The following STX7 variants were observed in gnomAD, a reference collection of about 807,000 sequenced individuals.
STX7 encodes syntaxin 7.
STX7 carries 34 observed loss-of-function variants against 39.6 expected under a neutral mutation model. The ratio of observed to expected loss-of-function variants is 0.86; its 90% confidence interval spans 0.65 to 1.14. STX7 has a LOEUF of 1.14. Among genes scored for constraint, STX7 ranks in the 50% most tolerant of loss-of-function variants. STX7 has a pLI of 0.00. For missense variants in STX7, 284 were observed against 310.4 expected, an observed-to-expected ratio of 0.92 and a Z score of 0.64; for synonymous variants, 119 against 99.1, an observed-to-expected ratio of 1.20 and a Z score of -1.19.
rs575485058 is a variant in STX7, at chr6:132,450,477, T to G, written c.*10281A>C. 1 of 151,606 alleles carries G rather than the reference T, an allele frequency of 6.6e-6. No homozygotes were observed. Among genetic ancestry groups the G allele is most frequent in the African/African-American group, 2.4e-5 (1 of 41,180 alleles). 9.4% of individuals were successfully genotyped at this position (151,606 alleles called of 1,614,324 possible). A position where few individuals can be genotyped will look rare whatever the true frequency, so the allele number is the denominator to read the frequency against. On this transcript the variant is annotated 3_prime_UTR_variant, in exon 10 of 10. Coordinates refer to ENST00000367941, the MANE Select transcript of STX7 (RefSeq NM_003569.3). ...ATCGGTTTCACCAAGTTATGTGTAC[T>G]TTATTTATTTAAAGAGACCAACTTT...
intron 8 of STX7, 130 bp from the exon 9 acceptor site, chr6:132,464,205 A>C: frequency 1.1e-6 from 1 of 897,830 alleles, no homozygotes; most frequent in African/African-American, 1.7e-5. Flanking sequence ...GTATATCATA[A>C]AGTTGAATTT....
At chr6:132,486,768 C>T (rs577304353) in intron 2 of STX7, among the ~76,000 whole-genome samples, 6 of 149,136 alleles carry the variant, frequency 4.0e-5, no homozygotes, top group African/African-American at 9.9e-5. Context: ...CCAGTTCAAG[C>T]GATTCTCCTG....
At chr6:132,490,136 A>G (rs1045120622) in intron 2 of STX7, among the ~76,000 whole-genome samples, 10 of 152,234 alleles carry the variant, frequency 6.6e-5, no homozygotes, top group Non-Finnish European at 1.2e-4. Flanking sequence ...AGAAGCAAAC[A>G]GGAAAGGACT....
Position 132,459,953 on chromosome 6 carries a change from T to C in STX7, c.*805A>G, listed in dbSNP as rs1331574484. 6.6e-6 allele frequency: 1 copy of C among 152,210 alleles called. No individual in the cohort carries two copies. The highest frequency in any genetic ancestry group is 1.9e-4 in the East Asian group (1 of 5,198). The allele number at this position is 152,210 out of a possible 1,614,324, so 9.4% of individuals were successfully genotyped here. On this transcript the variant is annotated 3_prime_UTR_variant, in exon 10 of 10. Transcript: ENST00000367941. ...AACCAGATGATATGGTTAAGATAAC[T>C]AGTTTAGTGGAATAACAAACTGGGG...
intron 3 of STX7, among the ~76,000 whole-genome samples, chr6:132,474,969 CTG>C (rs1442343761): frequency 6.6e-6 from 1 of 152,038 alleles, no homozygotes; most frequent in African/African-American, 2.4e-5. Flanking sequence ...AAATAAAACT[CTG>C]GTGACTGCGG....
chr6:132,492,953 T>C (rs889678354), intron 2 of STX7, among the ~76,000 whole-genome samples: 12 of 152,182 alleles, frequency 7.9e-5, no homozygotes, highest in African/African-American at 2.9e-4. Flanking sequence ...CAAGGCAGTG[T>C]ACTGGGTATT....
At chr6:132,467,276 C>G (rs911160095) in intron 8 of STX7, among the ~76,000 whole-genome samples, 2 of 152,150 alleles carry the variant, frequency 1.3e-5, no homozygotes, top group Admixed American at 1.3e-4. Flanking sequence ...CCTTTGTACT[C>G]GCTGTTCTCT....
In STX7 at chr6:132,460,787, T is replaced by G. The variant is rs1774374676; in HGVS notation, c.757A>C (p.Ser253Arg). The change falls in exon 10 of 10, where the codon AGT (serine) becomes CGT (arginine). Residue 253 changes from serine to arginine, a missense_variant. Transcript: ENST00000367941. ...TGGTTCAATCCCCATATGATGAGACTGATAATCGCAACTCCAATGACAAGG... is the reference window on the plus strand; with the variant it reads ...TGGTTCAATCCCCATATGATGAGACGGATAATCGCAACTCCAATGACAAGG... The part of the protein sequence containing the change: ...LILVIGVAII[S>R]LIIWGLNH The G allele has an allele frequency of 1.2e-6, 2 of 1,613,682 alleles. No homozygotes were observed. The highest frequency in any genetic ancestry group is 1.7e-6 in the Non-Finnish European group (2 of 1,179,798).
At chr6:132,481,992 AGAAGGCAAATTTCTT>A (rs1226487523) in intron 2 of STX7, among the ~76,000 whole-genome samples, 3 of 152,194 alleles carry the variant, frequency 2.0e-5, no homozygotes, top group African/African-American at 4.8e-5. Flanking sequence ...CACCCTAACT[AGAAGGCAAATTTCTT>A]GAAGGCAAGG....
intron 2 of STX7, among the ~76,000 whole-genome samples, chr6:132,502,620 C>T (rs1002969894): frequency 1.5e-5 from 2 of 131,484 alleles, no homozygotes; most frequent in Middle Eastern, 4.1e-3. Flanking sequence ...AATAATTTGG[C>T]CGGGCGCGGT....
At chr6:132,512,270 G>A (rs1762164139) in intron 1 of STX7, among the ~76,000 whole-genome samples, 1 of 149,562 alleles carries the variant, frequency 6.7e-6, no homozygotes, top group Admixed American at 6.7e-5. Flanking sequence ...ATACAGATAA[G>A]AGCCAAACAA....
rs1251514865 is a variant in STX7, at chr6:132,464,075, T to C, written c.611A>G (p.Asp204Gly). The change falls in exon 9 of 10, where the codon GAT (aspartate) becomes GGT (glycine). Residue 204 changes from aspartate to glycine, a missense_variant and splice_region_variant. Physicochemically the swap from Asp to Gly is moderately conservative, Grantham distance 94. Coordinates refer to ENST00000367941, the MANE Select transcript of STX7 (RefSeq NM_003569.3). Reference sequence around the variant, plus strand: ...ATTTTCCACATTGGCTTCTATGCTATCTGTAAAATAAAACACACACACACA... The same window carrying C: ...ATTTTCCACATTGGCTTCTATGCTACCTGTAAAATAAAACACACACACACA... The part of the protein sequence containing the change: ...MMIHEQGDVI[D>G]SIEANVENAE... 2 of 1,613,864 alleles carry C rather than the reference T, an allele frequency of 1.2e-6. No individual in the cohort carries two copies. The highest frequency in any genetic ancestry group is 1.7e-6 in the Non-Finnish European group (2 of 1,179,892).
chr6:132,461,793 T>C (rs1346835524), intron 9 of STX7: 1 of 1,506,190 alleles, frequency 6.6e-7, no homozygotes, highest in Non-Finnish European at 8.9e-7. Flanking sequence ...CCGTTCTTCA[T>C]TCCTGGTTCA....
intron 1 of STX7, among the ~76,000 whole-genome samples, chr6:132,511,805 C>T (rs1775852166): frequency 6.6e-6 from 1 of 152,146 alleles, no homozygotes; most frequent in South Asian, 2.1e-4. Flanking sequence ...TTCACTCAGA[C>T]TTACTGTGAA....
At chr6:132,486,958 C>A (rs1961714) in intron 2 of STX7, among the ~76,000 whole-genome samples, 2 of 151,780 alleles carry the variant, frequency 1.3e-5, no homozygotes, top group African/African-American at 4.9e-5. Flanking sequence ...TGAACCACTG[C>A]ACCCAGCCTA....
chr6:132,490,082 G>A (rs1775239460), intron 2 of STX7, among the ~76,000 whole-genome samples: 1 of 152,172 alleles, frequency 6.6e-6, no homozygotes, highest in Admixed American at 6.5e-5. Context: ...GAGGTAGTCT[G>A]GAATCAGAAG....
chr6:132,492,448 C>T (rs1775315388), intron 2 of STX7, among the ~76,000 whole-genome samples: 1 of 152,222 alleles, frequency 6.6e-6, no homozygotes, highest in Admixed American at 6.5e-5. Flanking sequence ...TAAAGGTTCA[C>T]TCCATAAAGG....
In STX7 at chr6:132,485,068, A is replaced by G. The variant is rs573570190; in HGVS notation, c.86-9406T>C. On this transcript the variant is annotated intron_variant, in intron 2 of 9. Transcript: ENST00000367941. ...CAAAGCGCATAAACTATAGTTTTAC[A>G]AGTTTGGACATATGTGTACATCTGT... Among the ~76,000 whole-genome samples, 3 of 152,344 alleles carry G rather than the reference A, an allele frequency of 2.0e-5. No homozygotes were observed. The East Asian group carries it at 5.8e-4, about 29-fold the overall frequency.
In STX7 at chr6:132,451,958, G is replaced by C. The variant is rs1042689714; in HGVS notation, c.*8800C>G. ...AGTATTACCCTGATACCACCAACCA[G>C]TATGTCGCATTAAAACAGATGCAAA... is the stretch of plus-strand genomic sequence containing the variant. On this transcript the variant is annotated 3_prime_UTR_variant, in exon 10 of 10. Transcript: ENST00000367941. 2 of 152,130 alleles carry C rather than the reference G, an allele frequency of 1.3e-5. No individual in the cohort carries two copies. The highest frequency in any genetic ancestry group is 6.5e-5 in the Admixed American group (1 of 15,276). The allele number at this position is 152,130 out of a possible 1,614,324, so 9.4% of individuals were successfully genotyped here.
Sources: gnomAD v4.1 joint callset for allele counts (sites outside exome capture counted in the v4.1 genomes callset) on GRCh38, gnomAD v4.1.1 for gene constraint, MANE v1.5 for transcripts, NCBI Gene and HGNC (gene_info 2026-07-23, HGNC 2026-07-21) for gene names.